PTAR1: variants seen among roughly 807,000 people sequenced by gnomAD.
PTAR1 encodes protein prenyltransferase alpha subunit repeat-containing protein 1.
A neutral mutation model predicts 45.5 loss-of-function variants in PTAR1; 17 were observed. The ratio of observed to expected loss-of-function variants is 0.37; its 90% CI spans 0.26 to 0.56. PTAR1 has a LOEUF of 0.56. Ranked by LOEUF, PTAR1 falls within the 20% of genes least tolerant of loss-of-function variation. PTAR1 has a pLI of 0.77. For synonymous variants in PTAR1, 169 were observed against 171.3 expected, an observed-to-expected ratio of 0.99 and a Z score of 0.11; for missense variants, 391 against 476.3, an observed-to-expected ratio of 0.82 and a Z score of 1.67.
At position 69,723,531 on chromosome 9, in the gene PTAR1, T is replaced by A. The variant is rs777576782; in HGVS notation, c.742A>T (p.Ile248Phe). 9.5e-5 allele frequency: 154 copies of A among 1,613,746 alleles called. No homozygotes were observed. The highest frequency in any genetic ancestry group is 1.3e-4 in the Non-Finnish European group (148 of 1,179,808). ...GAACTGTCTATCACAGTTTGGCTAA[T>A]CAAAGACTTAAGCAAAAACTGGCGG... is the stretch of plus-strand genomic sequence containing the variant. The part of the protein sequence containing the change: ...HYRQFLLKSL[I>F]SQTVIDSSVM... The change falls in exon 6 of 8, where the codon ATT becomes TTT. Residue 248 changes from isoleucine (I) to phenylalanine (F), a missense_variant. This residue lies in a region of PTAR1 where 181 missense variants were observed against 227.7 expected (regional missense o/e 0.80). Coordinates refer to ENST00000340434, the MANE Select transcript of PTAR1 (RefSeq NM_001099666.2).
At chr9:69,752,267 A>C (rs530813400) in intron 1 of PTAR1, among the ~76,000 whole-genome samples, 1 of 152,126 alleles carries the variant, frequency 6.6e-6, no homozygotes, top group Non-Finnish European at 1.5e-5. Context: ...GTTGAATTAC[A>C]AAGTAGGAGA....
At chr9:69,728,779 G>A (rs1825398846) in intron 5 of PTAR1, among the ~76,000 whole-genome samples, 1 of 152,048 alleles carries the variant, frequency 6.6e-6, no homozygotes, top group Non-Finnish European at 1.5e-5. Context: ...GCAGACATCA[G>A]AGAGAACATA....
chr9:69,719,699 G>C (rs1165950105), intron 6 of PTAR1, among the ~76,000 whole-genome samples: 1 of 152,140 alleles, frequency 6.6e-6, no homozygotes, highest in Non-Finnish European at 1.5e-5. Flanking sequence ...TTTATAAACT[G>C]AAGGTTTGGC....
At chr9:69,744,317 T>C (rs1315234541) in intron 2 of PTAR1, among the ~76,000 whole-genome samples, 1 of 151,476 alleles carries the variant, frequency 6.6e-6, no homozygotes, top group Non-Finnish European at 1.5e-5. Context: ...CGTCTCCTAA[T>C]ATTTAACAAA....
rs1358566543 is a variant in PTAR1, at chr9:69,711,723, C to T, written c.*6619G>A. ...ATATGCCTTGCACAAGAAAATACTA[C>T]TTAATCTTTCACATCTCCTATCTTT... On this transcript the variant is annotated 3_prime_UTR_variant, in exon 8 of 8. Coordinates refer to ENST00000340434, the MANE Select transcript of PTAR1 (RefSeq NM_001099666.2). 1 of 152,146 alleles carries T rather than the reference C, an allele frequency of 6.6e-6. No individual in the cohort carries two copies. The highest frequency in any genetic ancestry group is 2.4e-5 in the African/African-American group (1 of 41,464). 9.4% of individuals were successfully genotyped at this position (152,146 alleles called of 1,614,324 possible).
intron 1 of PTAR1, chr9:69,757,694 T>C (rs2134181612): frequency 6.6e-6 from 1 of 151,730 alleles, no homozygotes; most frequent in African/African-American, 2.4e-5. Flanking sequence ...TTTTGTATAA[T>C]ACTGAAAGTG....
At chr9:69,750,997 C>T (rs1276106900) in intron 1 of PTAR1, 47 bp from the exon 2 acceptor site, 1 of 1,287,012 alleles carries the variant, frequency 7.8e-7, no homozygotes, top group East Asian at 2.5e-5. Context: ...GGATACTAAC[C>T]TTTTCAACAT....
chr9:69,756,430 T>A (rs1826780102), intron 1 of PTAR1, among the ~76,000 whole-genome samples: 1 of 152,308 alleles, frequency 6.6e-6, no homozygotes, highest in South Asian at 2.1e-4. Context: ...CCATGTGTGG[T>A]TTGTTCATTA....
At position 69,712,313 on chromosome 9, in the gene PTAR1, G is replaced by A. The variant is rs547822224; in HGVS notation, c.*6029C>T. ...TTACATAACTATCTGGTTAATTTGG[G>A]CAAATGAGCACTTGTGTTTGGTTTC... On this transcript the variant is annotated 3_prime_UTR_variant, in exon 8 of 8. Coordinates refer to ENST00000340434, the MANE Select transcript of PTAR1 (RefSeq NM_001099666.2). 6.6e-6 allele frequency: 1 copy of A among 152,128 alleles called. No homozygotes were observed. Among genetic ancestry groups the A allele is most frequent in the Non-Finnish European group, 1.5e-5 (1 of 68,010 alleles). 9.4% of individuals were successfully genotyped at this position (152,128 alleles called of 1,614,324 possible).
intron 2 of PTAR1, among the ~76,000 whole-genome samples, chr9:69,744,596 G>C (rs1240315588): frequency 6.6e-6 from 1 of 152,082 alleles, no homozygotes; most frequent in Admixed American, 6.5e-5. Flanking sequence ...ATGTTGCCCA[G>C]GGTGGTCTTG....
At chr9:69,722,257 T>C (rs1825044950) in intron 6 of PTAR1, among the ~76,000 whole-genome samples, 1 of 152,228 alleles carries the variant, frequency 6.6e-6, no homozygotes, top group Admixed American at 6.5e-5. Context: ...CACAGGCAAG[T>C]CTTTCATTTA....
In PTAR1 at chr9:69,715,495, G is replaced by A. The variant is rs1824694256; in HGVS notation, c.*2847C>T. ...TAAGGTACACTAAAGGCGGGGTGAA[G>A]GTGGTGTTGGAGACAGTTACAGAGC... On this transcript the variant is annotated 3_prime_UTR_variant, in exon 8 of 8. Transcript: ENST00000340434. 1 of 152,192 alleles carries A rather than the reference G, an allele frequency of 6.6e-6. No individual in the cohort carries two copies. Among genetic ancestry groups the A allele is most frequent in the African/African-American group, 2.4e-5 (1 of 41,460 alleles). 9.4% of individuals were successfully genotyped at this position (152,192 alleles called of 1,614,324 possible). A position where few individuals can be genotyped will look rare whatever the true frequency, so the allele number is the denominator to read the frequency against.
intron 6 of PTAR1, among the ~76,000 whole-genome samples, chr9:69,722,981 T>C (rs1227161243): frequency 1.3e-5 from 2 of 149,308 alleles, no homozygotes; most frequent in Non-Finnish European, 3.0e-5. Context: ...CAATCCATCC[T>C]AGATATGCTA....
At chr9:69,742,006 T>A in intron 2 of PTAR1, 148 bp from the exon 3 acceptor site, 1 of 600,510 alleles carries the variant, frequency 1.7e-6, no homozygotes, top group Non-Finnish European at 3.0e-6. Context: ...TTCCCTCTTC[T>A]AAGCTGTCAA....
chr9:69,741,709 T>G (rs1446563564), intron 3 of PTAR1, 83 bp downstream of exon 3: 2 of 899,394 alleles, frequency 2.2e-6, no homozygotes, highest in African/African-American at 3.4e-5. Context: ...ATATTTCGTT[T>G]TCAAAAGCTA....
intron 1 of PTAR1, among the ~76,000 whole-genome samples, chr9:69,752,532 C>T (rs912498681): frequency 1.3e-5 from 2 of 151,954 alleles, no homozygotes; most frequent in Admixed American, 1.3e-4. Context: ...CAATTGGTTC[C>T]GTTGACTCAA....
intron 6 of PTAR1, 61 bp from the exon 7 acceptor site, chr9:69,718,745 C>A: frequency 7.3e-7 from 1 of 1,369,566 alleles, no homozygotes; most frequent in Non-Finnish European, 9.7e-7. Flanking sequence ...CAAGCTTTTC[C>A]AGAAAAAAAA....
rs934447003 is a variant in PTAR1, at chr9:69,716,721, C to T, written c.*1621G>A. 3 of 152,138 alleles carry T rather than the reference C, an allele frequency of 2.0e-5. No homozygotes were observed. Among genetic ancestry groups the T allele is most frequent in the Admixed American group, 6.6e-5 (1 of 15,264 alleles). The allele number at this position is 152,138 out of a possible 1,614,324, so 9.4% of individuals were successfully genotyped here. On this transcript the variant is annotated 3_prime_UTR_variant, in exon 8 of 8. Coordinates refer to ENST00000340434, the MANE Select transcript of PTAR1 (RefSeq NM_001099666.2). ...CACACTTATTTCTGCCACTATTACT[C>T]ACATTCTGCACAGATAGGACAACTG... is the stretch of plus-strand genomic sequence containing the variant.
At chr9:69,720,396 G>A (rs1287937510) in intron 6 of PTAR1, among the ~76,000 whole-genome samples, 1 of 152,196 alleles carries the variant, frequency 6.6e-6, no homozygotes. Context: ...CTAAGACTGA[G>A]AGAGGTGAGG....
Sources: allele counts gnomAD v4.1 joint callset (sites outside exome capture counted in the v4.1 genomes callset), GRCh38; gene constraint gnomAD v4.1.1; regional missense constraint gnomAD v4.1.1; transcripts MANE v1.5; gene names NCBI Gene and HGNC (gene_info 2026-07-23, HGNC 2026-07-21).